The following ALK variants were observed in gnomAD, a reference collection of about 807,000 sequenced individuals.
ALK encodes the protein ALK receptor tyrosine kinase, also known as ALK tyrosine kinase receptor.
Under a neutral mutation model 163.1 loss-of-function variants are expected in ALK, and 74 were observed. The observed-to-expected ratio is 0.45, with a 90% CI of 0.38 to 0.55. ALK has a LOEUF of 0.55. ALK is among the 20% of genes least tolerant of loss of function. The pLI is 0.00. For missense variants in ALK, 2,063 were observed against 2,105.3 expected (o/e 0.98, Z 0.39); for synonymous variants, 960 against 843.2 (o/e 1.14, Z -2.40).
chr2:29,348,336 A>G (rs534374086), intron 5 of ALK, among the ~76,000 whole-genome samples: 100 of 152,298 alleles, frequency 6.6e-4, no homozygotes, highest in African/African-American at 2.4e-3. Context: ...TGGAGAGGGT[A>G]TCTTAGCACA....
intron 4 of ALK, among the ~76,000 whole-genome samples, chr2:29,431,165 T>C: frequency 6.6e-6 from 1 of 152,022 alleles, no homozygotes; most frequent in East Asian, 1.9e-4. Flanking sequence ...AAAATTGATT[T>C]AGGTGATTCA....
chr2:29,280,387 A>G (rs753760537), intron 9 of ALK, among the ~76,000 whole-genome samples: 3 of 151,818 alleles, frequency 2.0e-5, no homozygotes, highest in Non-Finnish European at 4.4e-5. Context: ...AGGTTCTGGT[A>G]TGTACCAGGT....
intron 11 of ALK, among the ~76,000 whole-genome samples, chr2:29,255,640 G>A (rs986768946): frequency 2.0e-5 from 3 of 152,110 alleles, no homozygotes; most frequent in African/African-American, 7.2e-5. Flanking sequence ...CTTTGGGGGT[G>A]ATTAAACCGT....
intron 1 of ALK, among the ~76,000 whole-genome samples, chr2:29,756,133 C>T (rs1558474304): frequency 6.6e-6 from 1 of 152,196 alleles, no homozygotes; most frequent in Non-Finnish European, 1.5e-5. Context: ...TCTGGGCCTA[C>T]CCCGCCTCCA....
chr2:29,509,749 C>T (rs1235613219), intron 4 of ALK, among the ~76,000 whole-genome samples: 2 of 152,050 alleles, frequency 1.3e-5, no homozygotes, highest in South Asian at 2.1e-4. Context: ...CTAAAATAAC[C>T]TTTTAGATAT....
At chr2:29,221,287 G>T in intron 22 of ALK, 1 of 511,866 alleles carries the variant, frequency 2.0e-6, no homozygotes. Flanking sequence ...CCAGCAAAAG[G>T]GGATGGCCTC....
intron 7 of ALK, 85 bp downstream of exon 7, chr2:29,320,666 G>A: frequency 1.9e-6 from 3 of 1,587,674 alleles, no homozygotes; most frequent in Non-Finnish European, 2.6e-6. Flanking sequence ...CCCTGCAGGT[G>A]GGGTGAAGTC....
intron 4 of ALK, among the ~76,000 whole-genome samples, chr2:29,454,571 C>T (rs551314601): frequency 5.3e-5 from 8 of 152,114 alleles, no homozygotes; most frequent in African/African-American, 1.9e-4. Context: ...TCTAAGGAGA[C>T]AAGAAGGGCT....
intron 3 of ALK, among the ~76,000 whole-genome samples, chr2:29,572,875 A>G (rs1420947003): frequency 6.6e-6 from 1 of 152,062 alleles, no homozygotes; most frequent in East Asian, 1.9e-4. Context: ...TCCTTCACGC[A>G]GCCCTGGACA....
At chr2:29,545,446 G>A (rs190664338) in intron 3 of ALK, among the ~76,000 whole-genome samples, 41 of 152,294 alleles carry the variant, frequency 2.7e-4, no homozygotes, top group African/African-American at 8.9e-4. Flanking sequence ...AGGTGGGACC[G>A]TGCTCATTGG....
chr2:29,828,543 C>A (rs1665264495), intron 1 of ALK, among the ~76,000 whole-genome samples: 1 of 152,132 alleles, frequency 6.6e-6, no homozygotes, highest in South Asian at 2.1e-4. Flanking sequence ...ATTTATGCAG[C>A]CAAAAGACAC....
At chr2:29,297,536 C>T (rs765063114) in intron 8 of ALK, among the ~76,000 whole-genome samples, 1 of 152,184 alleles carries the variant, frequency 6.6e-6, no homozygotes, top group Admixed American at 6.5e-5. Context: ...CTAATAATCT[C>T]ATTTGAATGG....
At chr2:29,254,329 A>G (rs1349710147) in intron 11 of ALK, among the ~76,000 whole-genome samples, 1 of 152,014 alleles carries the variant, frequency 6.6e-6, no homozygotes, top group Admixed American at 6.6e-5. Flanking sequence ...GAATACATAT[A>G]TGTGTGTGTG....
intron 4 of ALK, among the ~76,000 whole-genome samples, chr2:29,523,652 A>T (rs924187658): frequency 6.6e-6 from 1 of 152,086 alleles, no homozygotes; most frequent in African/African-American, 2.4e-5. Flanking sequence ...CTTTGTATAC[A>T]ATATATATTT....
intron 11 of ALK, among the ~76,000 whole-genome samples, chr2:29,255,427 G>C (rs1664926400): frequency 6.6e-6 from 1 of 152,108 alleles, no homozygotes; most frequent in Admixed American, 6.5e-5. Flanking sequence ...GTAGATCCTG[G>C]GTGGGGATGA....
At chr2:29,570,122 T>G (rs6547950) in intron 3 of ALK, among the ~76,000 whole-genome samples, 26,656 of 152,124 alleles carry the variant, frequency 0.18, 2,551 homozygotes, top group East Asian at 0.27. Context: ...GGGAGGCTAC[T>G]TAGGATTATT....
At chr2:29,737,679 G>A (rs1464601056) in intron 1 of ALK, among the ~76,000 whole-genome samples, 9 of 152,018 alleles carry the variant, frequency 5.9e-5, no homozygotes, top group Non-Finnish European at 1.0e-4. Flanking sequence ...ACAAGCAGGT[G>A]GTAGGCATCT....
intron 1 of ALK, among the ~76,000 whole-genome samples, chr2:29,888,862 A>G (rs2148423042): frequency 6.6e-6 from 1 of 152,264 alleles, no homozygotes; most frequent in South Asian, 2.1e-4. Flanking sequence ...CATCCAATAC[A>G]CCATTTCCTT....
At chr2:29,895,022 T>C (rs1277697262) in intron 1 of ALK, among the ~76,000 whole-genome samples, 1 of 152,218 alleles carries the variant, frequency 6.6e-6, no homozygotes, top group South Asian at 2.1e-4. Flanking sequence ...ATGTGCTCCA[T>C]ATGTCAAGTC....
Sources: allele counts gnomAD v4.1 joint callset (sites outside exome capture counted in the v4.1 genomes callset), GRCh38; gene constraint gnomAD v4.1.1; transcripts MANE v1.5; gene names NCBI Gene and HGNC (gene_info 2026-07-23, HGNC 2026-07-21).